CYRIA: variants seen among roughly 807,000 people sequenced by gnomAD.
The protein encoded by CYRIA is CYFIP related Rac1 interactor A, also known as CYFIP-related Rac1 interactor A.
A neutral mutation model predicts 43.9 loss-of-function variants in CYRIA; 15 were observed. That is an observed-to-expected ratio of 0.34 (90% CI 0.23 to 0.53). The LOEUF is 0.53. CYRIA is among the 20% of genes least tolerant of loss of function. CYRIA has a pLI of 0.94. For missense variants in CYRIA, 236 were observed against 394.2 expected, an observed-to-expected ratio of 0.60 and a Z score of 3.40; for synonymous variants, 117 against 136.0, an observed-to-expected ratio of 0.86 and a Z score of 0.97.
chr2:16,662,543 G>A (rs977953060), intron 1 of CYRIA, among the ~76,000 whole-genome samples: 4 of 152,198 alleles, frequency 2.6e-5, no homozygotes, highest in African/African-American at 7.2e-5. Flanking sequence ...ATGATGTCTT[G>A]TCAGGTAATT....
intron 4 of CYRIA, 39 bp from the exon 5 acceptor site, chr2:16,564,133 T>C: frequency 6.7e-7 from 1 of 1,503,722 alleles, no homozygotes; most frequent in Non-Finnish European, 9.2e-7. Flanking sequence ...TAAAAAGAAG[T>C]GGTAAGCTCC....
intron 2 of CYRIA, among the ~76,000 whole-genome samples, chr2:16,610,651 G>A (rs773386732): frequency 7.2e-5 from 11 of 151,858 alleles, no homozygotes; most frequent in Non-Finnish European, 1.5e-4. Context: ...CCAAGGCTTC[G>A]GCAGCCTATG....
intron 1 of CYRIA, among the ~76,000 whole-genome samples, chr2:16,626,346 T>C (rs1669164740): frequency 2.0e-5 from 3 of 152,068 alleles, no homozygotes; most frequent in South Asian, 2.1e-4. Context: ...GTCAGGAAAC[T>C]TGTACGGTTA....
intron 1 of CYRIA, among the ~76,000 whole-genome samples, chr2:16,638,555 ATG>A (rs1352964071): frequency 6.6e-6 from 1 of 152,150 alleles, no homozygotes; most frequent in African/African-American, 2.4e-5. Context: ...AAACCTCCTC[ATG>A]TGAGGAACTC....
intron 2 of CYRIA, 74 bp from the exon 3 acceptor site, chr2:16,588,203 C>T (rs1667801593): frequency 4.3e-6 from 4 of 920,402 alleles, no homozygotes; most frequent in Admixed American, 4.7e-5. Flanking sequence ...ATCCCTGGGC[C>T]CCCCATAGCT....
chr2:16,592,849 G>T lies in CYRIA; in HGVS notation c.-10-4720C>A, dbSNP rs182013815. Among the ~76,000 whole-genome samples, 681 of 152,224 alleles carry T rather than the reference G, an allele frequency of 4.5e-3. 1 individual carries two copies. Among genetic ancestry groups the T allele is most frequent in the Non-Finnish European group, 7.5e-3 (512 of 68,004 alleles). On this transcript the variant is annotated intron_variant, in intron 2 of 11. Transcript: ENST00000381323. The stretch of plus-strand genomic sequence containing the variant: ...TGTACTTCTCTAGTTTAACCTGTTT[G>T]TATTTTCTGAACACCAAATCTTACC...
chr2:16,630,162 GCA>G (rs2103519909), intron 1 of CYRIA, among the ~76,000 whole-genome samples: 1 of 152,294 alleles, frequency 6.6e-6, no homozygotes, highest in Non-Finnish European at 1.5e-5. Flanking sequence ...GCTGGAAATG[GCA>G]GTGCTCCTAT....
At chr2:16,643,013 GTATAC>G (rs1436022267) in intron 1 of CYRIA, among the ~76,000 whole-genome samples, 4 of 148,476 alleles carry the variant, frequency 2.7e-5, no homozygotes, top group Non-Finnish European at 4.5e-5. Flanking sequence ...ATTTATAATA[GTATAC>G]TATATATAAT....
intron 1 of CYRIA, among the ~76,000 whole-genome samples, chr2:16,637,405 C>A (rs1424616134): frequency 6.6e-6 from 1 of 152,114 alleles, no homozygotes; most frequent in Non-Finnish European, 1.5e-5. Context: ...AAAAGAGACA[C>A]AACAGAGATG....
At chr2:16,659,566 G>A (rs371848720) in intron 1 of CYRIA, among the ~76,000 whole-genome samples, 6 of 152,096 alleles carry the variant, frequency 3.9e-5, no homozygotes, top group East Asian at 1.9e-4. Context: ...ACAAGACCCC[G>A]GGTCTTCTTG....
chr2:16,609,489 T>G (rs1668520815), intron 2 of CYRIA, among the ~76,000 whole-genome samples: 1 of 152,232 alleles, frequency 6.6e-6, no homozygotes, highest in Non-Finnish European at 1.5e-5. Flanking sequence ...ACGGGACCCT[T>G]GCACTTGCTA....
In CYRIA at chr2:16,615,212, T is replaced by C. The variant is rs559880608; in HGVS notation, c.-11+8652A>G. On this transcript the variant is annotated intron_variant, in intron 2 of 11. Coordinates refer to ENST00000381323, the MANE Select transcript of CYRIA (RefSeq NM_030797.4). Reference sequence around the variant, plus strand: ...CTCAGAACTGCTGAACGCAAGTCTATGTTTTAATCGAATCCTCAGTGTCCT... The same window carrying C: ...CTCAGAACTGCTGAACGCAAGTCTACGTTTTAATCGAATCCTCAGTGTCCT... 1.6e-3 allele frequency among the ~76,000 whole-genome samples: 242 copies of C among 152,354 alleles called. 1 individual carries two copies. Among genetic ancestry groups the C allele is most frequent in the African/African-American group, 4.8e-3 (198 of 41,584 alleles).
In CYRIA at chr2:16,634,954, G is replaced by A. The variant is rs114690862; in HGVS notation, c.-166-10935C>T. Among the ~76,000 whole-genome samples, 574 of 152,332 alleles carry A rather than the reference G, an allele frequency of 3.8e-3. 7 individuals are homozygous for A. Among genetic ancestry groups the A allele is most frequent in the African/African-American group, 0.013 (539 of 41,558 alleles). On this transcript the variant is annotated intron_variant, in intron 1 of 11. Transcript: ENST00000381323. ...GCATTTAGGAGCAAACCACTGAATG[G>A]ATCCATAAGATGGACACTGGGTTGG...
At chr2:16,618,749 G>C (rs978458924) in intron 2 of CYRIA, among the ~76,000 whole-genome samples, 2 of 152,144 alleles carry the variant, frequency 1.3e-5, no homozygotes, top group African/African-American at 4.8e-5. Flanking sequence ...CTTATAAGGT[G>C]GTGAGTTCAC....
chr2:16,649,652 T>C (rs894605666), intron 1 of CYRIA, among the ~76,000 whole-genome samples: 2 of 151,768 alleles, frequency 1.3e-5, no homozygotes, highest in South Asian at 4.2e-4. Flanking sequence ...CAGGGCATGA[T>C]TGTACAGCAC....
At chr2:16,606,871 G>A (rs1436397093) in intron 2 of CYRIA, among the ~76,000 whole-genome samples, 1 of 152,114 alleles carries the variant, frequency 6.6e-6, no homozygotes, top group Non-Finnish European at 1.5e-5. Context: ...GATGTGACAT[G>A]TCAAAGCAAA....
At chr2:16,590,949 A>C (rs1353978423) in intron 2 of CYRIA, among the ~76,000 whole-genome samples, 1 of 152,108 alleles carries the variant, frequency 6.6e-6, no homozygotes, top group Non-Finnish European at 1.5e-5. Flanking sequence ...TTGGTCCATC[A>C]TCACACAGAT....
At chr2:16,605,378 G>A (rs78447908) in intron 2 of CYRIA, among the ~76,000 whole-genome samples, 2,645 of 152,322 alleles carry the variant, frequency 0.017, 84 homozygotes, top group African/African-American at 0.06. Flanking sequence ...CAATCAAACT[G>A]GGCTCAGCTC....
intron 1 of CYRIA, among the ~76,000 whole-genome samples, chr2:16,643,374 C>T (rs1669732235): frequency 6.6e-6 from 1 of 152,120 alleles, no homozygotes; most frequent in Non-Finnish European, 1.5e-5. Flanking sequence ...GAGATACAGT[C>T]TTCTTCAATA....
Sources: allele counts gnomAD v4.1 joint callset (sites outside exome capture counted in the v4.1 genomes callset), GRCh38; gene constraint gnomAD v4.1.1; transcripts MANE v1.5; gene names NCBI Gene and HGNC (gene_info 2026-07-23, HGNC 2026-07-21).